The following ROBO2 variants were observed in gnomAD, a reference collection of about 807,000 sequenced individuals.
The protein encoded by ROBO2 is roundabout guidance receptor 2, also known as roundabout homolog 2.
In ROBO2, 53 loss-of-function variants were observed where a neutral mutation model predicts 160.8. The ratio of observed to expected loss-of-function variants is 0.33; its 90% CI spans 0.26 to 0.41. ROBO2 has a LOEUF of 0.41. Among genes scored for constraint, ROBO2 ranks in the 10% least tolerant of loss-of-function variants. ROBO2 has a pLI of 1.00. For missense variants in ROBO2, 1,577 were observed against 1,722.4 expected (o/e 0.92, Z 1.49); for synonymous variants, 664 against 611.7 (o/e 1.09, Z -1.26).
At chr3:77,047,492 C>T (rs2064793720) in intron 1 of ROBO2, among the ~76,000 whole-genome samples, 1 of 148,722 alleles carries the variant, frequency 6.7e-6, no homozygotes, top group Non-Finnish European at 1.5e-5. Context: ...CAAGACCAGC[C>T]TGGCCAACAT....
intron 2 of ROBO2, among the ~76,000 whole-genome samples, chr3:77,395,519 T>A (rs1041080443): frequency 1.3e-5 from 2 of 152,180 alleles, no homozygotes; most frequent in African/African-American, 4.8e-5. Context: ...AGCATTTTAA[T>A]TGAATTGTAT....
chr3:76,394,260 G>T (rs567174977), intron 2 of ROBO2, among the ~76,000 whole-genome samples: 69 of 152,248 alleles, frequency 4.5e-4, no homozygotes, highest in Non-Finnish European at 4.1e-4. Flanking sequence ...TGCAGTGGCT[G>T]GTACCAGTTG....
rs149037937 is a variant in ROBO2 at position 77,545,135 on chromosome 3, A to G, written c.935-1203A>G. Among the ~76,000 whole-genome samples the G allele has an allele frequency of 6.2e-3, 944 of 152,172 alleles. 8 individuals carry two copies. Among genetic ancestry groups the G allele is most frequent in the African/African-American group, 0.021 (892 of 41,548 alleles). On this transcript the variant is annotated intron_variant, in intron 6 of 25. Transcript: ENST00000461745. ...TGGCTTCCTCTCCAATCCATGCTAC[A>G]TTCATCAGAGGGTTAAAGCTGCCAA... is the stretch of plus-strand genomic sequence containing the variant.
chr3:76,137,515 G>T (rs2071475255), intron 2 of ROBO2, among the ~76,000 whole-genome samples: 1 of 151,636 alleles, frequency 6.6e-6, no homozygotes, highest in South Asian at 2.1e-4. Flanking sequence ...TCCAAGAACA[G>T]TTTTTATACT....
chr3:76,843,238 G>T (rs1483696539), intron 2 of ROBO2, among the ~76,000 whole-genome samples: 1 of 149,496 alleles, frequency 6.7e-6, no homozygotes, highest in Non-Finnish European at 1.5e-5. Flanking sequence ...ATATTTATTT[G>T]CTAAATGTAA....
intron 2 of ROBO2, among the ~76,000 whole-genome samples, chr3:77,197,934 G>A (rs533226899): frequency 1.3e-5 from 2 of 152,266 alleles, no homozygotes; most frequent in East Asian, 3.9e-4. Flanking sequence ...GAAGATGGGG[G>A]TGAGGGGGAA....
intron 2 of ROBO2, among the ~76,000 whole-genome samples, chr3:76,280,275 T>C (rs1457180559): frequency 2.0e-5 from 3 of 152,020 alleles, no homozygotes; most frequent in South Asian, 4.1e-4. Context: ...GCCATTCATA[T>C]GTTAAACCAT....
At chr3:76,868,794 C>G (rs2071658193) in intron 2 of ROBO2, among the ~76,000 whole-genome samples, 1 of 150,562 alleles carries the variant, frequency 6.6e-6, no homozygotes. Context: ...AAAAAAAAAG[C>G]ATGTATCAGA....
At chr3:76,131,457 T>A (rs867456543) in intron 2 of ROBO2, among the ~76,000 whole-genome samples, 1 of 152,176 alleles carries the variant, frequency 6.6e-6, no homozygotes, top group South Asian at 2.1e-4. Context: ...CACAAGAAGT[T>A]GTTGAGGAGT....
intron 2 of ROBO2, among the ~76,000 whole-genome samples, chr3:76,758,609 C>T (rs889822224): frequency 6.6e-6 from 1 of 151,746 alleles, no homozygotes; most frequent in African/African-American, 2.4e-5. Flanking sequence ...AGGATTGCAC[C>T]AACCCATTAC....
chr3:76,997,056 T>C (rs1186690301), intron 2 of ROBO2, among the ~76,000 whole-genome samples: 1 of 152,218 alleles, frequency 6.6e-6, no homozygotes, highest in Non-Finnish European at 1.5e-5. Flanking sequence ...TTCTTCTGCT[T>C]ATTCTGAGAT....
intron 24 of ROBO2, among the ~76,000 whole-genome samples, chr3:77,635,672 T>C (rs1009918759): frequency 6.6e-6 from 1 of 152,232 alleles, no homozygotes. Flanking sequence ...CATTGTGTTA[T>C]AACTGCCTAT....
At chr3:77,506,797 G>T (rs565775310) in intron 5 of ROBO2, among the ~76,000 whole-genome samples, 2 of 151,942 alleles carry the variant, frequency 1.3e-5, no homozygotes, top group Non-Finnish European at 2.9e-5. Flanking sequence ...TTTAATGTTA[G>T]GGCAAAAATA....
intron 2 of ROBO2, among the ~76,000 whole-genome samples, chr3:76,107,632 A>T (rs1181775940): frequency 2.6e-5 from 4 of 151,946 alleles, no homozygotes; most frequent in Admixed American, 6.6e-5. Flanking sequence ...AAGGCTTGTG[A>T]TTACTATTGT....
chr3:77,287,238 G>C (rs1357775570), intron 2 of ROBO2, among the ~76,000 whole-genome samples: 5 of 152,096 alleles, frequency 3.3e-5, no homozygotes, highest in African/African-American at 1.2e-4. Context: ...GCTACCATTA[G>C]AGACTTGTGC....
chr3:76,498,438 G>T (rs146559706), intron 2 of ROBO2, among the ~76,000 whole-genome samples: 1 of 151,858 alleles, frequency 6.6e-6, no homozygotes, highest in Non-Finnish European at 1.5e-5. Context: ...AATCACTAAC[G>T]GAGTAGATTT....
At chr3:76,265,190 C>G (rs1707022116) in intron 2 of ROBO2, among the ~76,000 whole-genome samples, 1 of 152,112 alleles carries the variant, frequency 6.6e-6, no homozygotes, top group African/African-American at 2.4e-5. Flanking sequence ...TTGCTTGATC[C>G]ATGTCCCTCA....
At chr3:77,227,228 T>C (rs907046088) in intron 2 of ROBO2, among the ~76,000 whole-genome samples, 1 of 152,128 alleles carries the variant, frequency 6.6e-6, no homozygotes, top group African/African-American at 2.4e-5. Flanking sequence ...GCAAGAAACA[T>C]GGGCTAAAAA....
chr3:77,298,958 T>G (rs2062401237), intron 2 of ROBO2, among the ~76,000 whole-genome samples: 1 of 152,154 alleles, frequency 6.6e-6, no homozygotes, highest in Admixed American at 6.6e-5. Context: ...TTTCAGAAGA[T>G]AGAGGGGCTA....
Sources: allele counts gnomAD v4.1 joint callset (sites outside exome capture counted in the v4.1 genomes callset), GRCh38; gene constraint gnomAD v4.1.1; transcripts MANE v1.5; gene names NCBI Gene and HGNC (gene_info 2026-07-23, HGNC 2026-07-21).